Variants in RPGR observed in about 807,000 individuals in gnomAD.
RPGR encodes the protein retinitis pigmentosa GTPase regulator, also known as X-linked retinitis pigmentosa GTPase regulator.
A neutral mutation model predicts 56.3 loss-of-function variants in RPGR; 10 were observed. The observed-to-expected ratio is 0.18, with a 90% CI of 0.11 to 0.30. RPGR has a LOEUF of 0.30. Among genes scored for constraint, RPGR ranks in the 10% least tolerant of loss-of-function variants. The pLI, the probability that RPGR is intolerant of heterozygous loss-of-function variation, is 1.00. For missense variants in RPGR, 538 were observed against 590.9 expected, an observed-to-expected ratio of 0.91 and a Z score of 0.93; for synonymous variants, 197 against 212.9, an observed-to-expected ratio of 0.93 and a Z score of 0.65.
At position 38,288,010 on chromosome X, in the gene RPGR, T is replaced by C. The variant is rs1221096086; in HGVS notation, c.1604A>G (p.Asp535Gly). 1.3e-5 allele frequency: 16 copies of C among 1,210,568 alleles called. No homozygotes were observed. Among genetic ancestry groups the C allele is most frequent in the Non-Finnish European group, 1.7e-5 (15 of 894,435 alleles). ...ATCATCGTTTTCAGTAAGAGCTGTA[T>C]CCTGCGTCAGTTCCCCAATTGTTTG... The change falls in exon 14 of 19, where the codon GAT becomes GGT. Residue 535 changes from aspartate (D) to glycine (G), a missense_variant. This residue lies in a region of RPGR where 357 missense variants were observed against 325.8 expected (regional missense o/e 1.10). Transcript: ENST00000642395.
chrX:38,292,138 T>C (rs2067293489), intron 11 of RPGR, among the ~76,000 whole-genome samples: 1 of 111,590 alleles, frequency 9.0e-6, no homozygotes, highest in African/African-American at 3.3e-5. Flanking sequence ...CCAGCCTCAG[T>C]CAAGCCTTCA....
intron 15 of RPGR, chrX:38,284,843 C>A: frequency 1.3e-6 from 1 of 751,778 alleles, no homozygotes. Flanking sequence ...AAAAATACTT[C>A]AAGTTTTACA....
At chrX:38,323,188 G>A (rs1488625265) in intron 2 of RPGR, among the ~76,000 whole-genome samples, 1 of 111,729 alleles carries the variant, frequency 9.0e-6, no homozygotes, top group African/African-American at 3.2e-5. Context: ...AGAAAGTTGT[G>A]TGTATAGAAA....
rs1239427933 is a variant in RPGR, at chrX:38,269,842, A to T, written c.2242-10T>A. On this transcript the variant is annotated splice_polypyrimidine_tract_variant and intron_variant, in intron 18 of 18. Transcript: ENST00000642395. ...TTTTGAACAGAAAAATCTAGGAAAA[A>T]AACCACACACACAAATATTCATTTC... 9.0e-7 allele frequency: 1 copy of T among 1,116,317 alleles called. No individual in the cohort carries two copies. The highest frequency in any genetic ancestry group is 2.2e-5 in the Admixed American group (1 of 45,380). The allele number at this position is 1,116,317 out of a possible 1,213,427, so 92.0% of individuals were successfully genotyped here. A position where few individuals can be genotyped will look rare whatever the true frequency, so the allele number is the denominator to read the frequency against.
At chrX:38,274,581 G>A (rs762672812) in intron 17 of RPGR, among the ~76,000 whole-genome samples, 3 of 112,385 alleles carry the variant, frequency 2.7e-5, no homozygotes, top group Non-Finnish European at 5.6e-5. Flanking sequence ...TTGGGAGGCC[G>A]AGGCGGGAGG....
At position 38,269,812 on chromosome X, in the gene RPGR, G is replaced by A; in HGVS notation, c.2262C>T (p.Val754=). Residue 754 remains valine (V), a synonymous_variant, in exon 19 of 19, where the codon GTC becomes GTT. Coordinates refer to ENST00000642395, the MANE Select transcript of RPGR (RefSeq NM_000328.3). ...TGACAATCTTTTGATTTATTGAGGG[G>A]ACTCTTTTGAACAGAAAAATCTAGG... 2 of 1,203,065 alleles carry A rather than the reference G, an allele frequency of 1.7e-6. No individual in the cohort carries two copies. The highest frequency in any genetic ancestry group is 1.1e-6 in the Non-Finnish European group (1 of 889,366).
chrX:38,294,405 G>C (rs1014149743), intron 11 of RPGR, among the ~76,000 whole-genome samples: 7 of 111,178 alleles, frequency 6.3e-5, no homozygotes, highest in African/African-American at 2.3e-4. Context: ...AATAGAGAGA[G>C]GGGGTCTTGC....
chrX:38,284,555 AG>A, intron 15 of RPGR: 1 of 751,806 alleles, frequency 1.3e-6, no homozygotes, highest in Non-Finnish European at 1.6e-6. Context: ...TGGAAATGAT[AG>A]GAGTTTAGAA....
At chrX:38,308,160 G>A (rs1414872982) in intron 7 of RPGR, 1 of 111,548 alleles carries the variant, frequency 9.0e-6, no homozygotes, top group Non-Finnish European at 1.9e-5. Flanking sequence ...GAAAGGAAAT[G>A]CAAGGACACT....
chrX:38,286,537 TCCTCTACTTCCCCTC>T lies in RPGR; in HGVS notation c.1905+542_1905+556del, dbSNP rs777850798. 3,122 of 896,827 alleles carry T rather than the reference TCCTCTACTTCCCCTC, an allele frequency of 3.5e-3. 7 individuals carry two copies. Among genetic ancestry groups the T allele is most frequent in the Non-Finnish European group, 4.1e-3 (2,874 of 709,321 alleles). 73.9% of individuals were successfully genotyped at this position (896,827 alleles called of 1,213,427 possible). On this transcript the variant is annotated intron_variant, in intron 15 of 18. Coordinates refer to ENST00000642395, the MANE Select transcript of RPGR (RefSeq NM_000328.3). ...TTCCTCTTCCCTCTCTCCTTTCCCCTCCTCTACTTCCCCTCCCTCTACTTCCCCTCCCTCCTCTTT... is the reference window on the plus strand; with the variant it reads ...TTCCTCTTCCCTCTCTCCTTTCCCCTCCTCTACTTCCCCTCCCTCCTCTTT...
In RPGR at chrX:38,321,017, A is replaced by G. The variant is rs373028441; in HGVS notation, c.310+10T>C. 2.0e-4 allele frequency: 234 copies of G among 1,185,825 alleles called. No homozygotes were observed. Among genetic ancestry groups the G allele is most frequent in the Non-Finnish European group, 1.8e-4 (157 of 872,789 alleles). ...GTCAGGCAGGAAATCATACAGGTTG[A>G]GCACTATACCTGTTGACACCAGGGT... On this transcript the variant is annotated intron_variant, in intron 4 of 18. Transcript: ENST00000642395.
Position 38,304,713 on chromosome X carries a change from G to A in RPGR, c.856C>T (p.Pro286Ser). The change falls in exon 8 of 19, where the codon CCC becomes TCC. Residue 286 changes from proline (P) to serine (S), a missense_variant. This residue lies in a region of RPGR where 181 missense variants were observed against 265.1 expected (regional missense o/e 0.68). Coordinates refer to ENST00000642395, the MANE Select transcript of RPGR (RefSeq NM_000328.3). ...TCCCTAATATTCTCAATGACTTTGG[G>A]TTCTGAAGTTTCAAAAAGAAAAGTG... 8.3e-7 allele frequency: 1 copy of A among 1,205,480 alleles called. No individual in the cohort carries two copies. The highest frequency in any genetic ancestry group is 1.1e-6 in the Non-Finnish European group (1 of 890,286).
At position 38,327,448 on chromosome X, in the gene RPGR, G is replaced by A. The variant is rs111635026; in HGVS notation, c.-81C>T. 1 of 971,832 alleles carries A rather than the reference G, an allele frequency of 1.0e-6. No homozygotes were observed. 80.1% of individuals were successfully genotyped at this position (971,832 alleles called of 1,213,427 possible). A position where few individuals can be genotyped will look rare whatever the true frequency, so the allele number is the denominator to read the frequency against. On this transcript the variant is annotated 5_prime_UTR_variant, in exon 1 of 19. Transcript: ENST00000642395. ...TGGTCGGGGCTAAAGCAGCTACTCC[G>A]CACCGACGCGGGCCGCGAAAGCCCC...
chrX:38,318,292 A>AT (rs1328366347), intron 5 of RPGR, among the ~76,000 whole-genome samples: 2 of 109,900 alleles, frequency 1.8e-5, no homozygotes, highest in Non-Finnish European at 3.8e-5. Context: ...GTAACACCGG[A>AT]TGTTACACAG....
Position 38,310,768 on chromosome X carries a change from C to T in RPGR, c.625G>A (p.Gly209Ser). The T allele has an allele frequency of 1.7e-6, 2 of 1,209,594 alleles. No homozygotes were observed. The highest frequency in any genetic ancestry group is 2.2e-6 in the Non-Finnish European group (2 of 893,979). ...GGTTCTCCAAACACATATAGCTCAC[C>T]ATCTGCTATTGAAGGAAAAGTATAG... Residue 209 changes from glycine to serine, a missense_variant, in exon 7 of 19, where the codon GGT becomes AGT. Physicochemically the swap from Gly to Ser is moderately conservative, Grantham distance 56 (BLOSUM62 0). Transcript: ENST00000642395.
intron 12 of RPGR, among the ~76,000 whole-genome samples, 161 bp from the exon 13 acceptor site, chrX:38,291,185 G>A (rs990383549): frequency 1.1e-4 from 12 of 105,584 alleles, no homozygotes; most frequent in African/African-American, 1.7e-4. Context: ...AATAGAATCC[G>A]CTCTCAATTG....
intron 6 of RPGR, among the ~76,000 whole-genome samples, chrX:38,314,809 A>G (rs1403258703): frequency 8.9e-6 from 1 of 112,186 alleles, no homozygotes; most frequent in Admixed American, 9.5e-5. Context: ...TCTTAGTAAT[A>G]TGTTCTGTAT....
intron 6 of RPGR, among the ~76,000 whole-genome samples, chrX:38,315,891 CTA>C (rs750286071): frequency 1.9e-5 from 2 of 105,884 alleles, no homozygotes; most frequent in South Asian, 4.1e-4. Context: ...GTAGTACCCA[CTA>C]TATATATATT....
At chrX:38,303,458 C>T (rs1247334869) in intron 8 of RPGR, 4 of 170,129 alleles carry the variant, frequency 2.4e-5, no homozygotes, top group South Asian at 3.1e-4. Flanking sequence ...ACTAAATATT[C>T]GAATTGTATG....
Sources: gnomAD v4.1 joint callset for allele counts (sites outside exome capture counted in the v4.1 genomes callset) on GRCh38, gnomAD v4.1.1 for gene constraint, gnomAD v4.1.1 regional missense constraint, MANE v1.5 for transcripts, NCBI Gene and HGNC (gene_info 2026-07-23, HGNC 2026-07-21) for gene names.